The following FRMD4A variants were observed in gnomAD, a reference collection of about 807,000 sequenced individuals.
The protein encoded by FRMD4A is FERM domain-containing protein 4A.
A neutral mutation model predicts 129.1 loss-of-function variants in FRMD4A; 29 were observed. That is an observed-to-expected ratio of 0.22 (90% CI 0.17 to 0.31). FRMD4A has a LOEUF of 0.31. Ranked by LOEUF, FRMD4A falls within the 10% of genes least tolerant of loss-of-function variation. FRMD4A has a pLI of 1.00. For missense variants in FRMD4A, 1,272 were observed against 1,375.8 expected, an observed-to-expected ratio of 0.92 and a Z score of 1.19; for synonymous variants, 634 against 571.6, an observed-to-expected ratio of 1.11 and a Z score of -1.56.
At chr10:14,050,864 G>T (rs1357940730) in intron 2 of FRMD4A, among the ~76,000 whole-genome samples, 1 of 152,160 alleles carries the variant, frequency 6.6e-6, no homozygotes, top group Non-Finnish European at 1.5e-5. Flanking sequence ...CTTCCATTTG[G>T]CTGCTTCTTT....
At chr10:14,018,846 G>A (rs1185288960) in intron 2 of FRMD4A, among the ~76,000 whole-genome samples, 1 of 152,162 alleles carries the variant, frequency 6.6e-6, no homozygotes, top group Non-Finnish European at 1.5e-5. Flanking sequence ...GTAGCTCGGG[G>A]CATGCAGAGC....
At chr10:13,965,578 G>A (rs10906553) in intron 2 of FRMD4A, among the ~76,000 whole-genome samples, 74,592 of 152,000 alleles carry the variant, frequency 0.49, 20,059 homozygotes, top group Non-Finnish European at 0.62. Flanking sequence ...TGTTTAGAAG[G>A]CACATATCTG....
At chr10:13,928,367 G>A (rs1265813490) in intron 2 of FRMD4A, among the ~76,000 whole-genome samples, 1 of 150,962 alleles carries the variant, frequency 6.6e-6, no homozygotes, top group Non-Finnish European at 1.5e-5. Context: ...AACAAACTCT[G>A]AGCAAACCAA....
intron 2 of FRMD4A, among the ~76,000 whole-genome samples, chr10:14,270,284 C>T (rs1433312143): frequency 2.0e-5 from 3 of 152,228 alleles, no homozygotes; most frequent in African/African-American, 4.8e-5. Context: ...AATTCCTTCT[C>T]GTCTCTCTCC....
chr10:13,777,243 T>A (rs1299394285), intron 6 of FRMD4A, among the ~76,000 whole-genome samples: 1 of 152,230 alleles, frequency 6.6e-6, no homozygotes, highest in Non-Finnish European at 1.5e-5. Context: ...TGTCTCTGAG[T>A]CACTTAGCCT....
chr10:14,055,449 AC>A (rs1834468017), intron 2 of FRMD4A, among the ~76,000 whole-genome samples: 2 of 41,798 alleles, frequency 4.8e-5, no homozygotes, highest in Non-Finnish European at 8.9e-5. Context: ...ACACACACAC[AC>A]ACACACACAC....
rs192330648 is a variant in FRMD4A at position 14,323,115 on chromosome 10, T to G, written c.45+6943A>C. On this transcript the variant is annotated intron_variant, in intron 2 of 24. Coordinates refer to ENST00000357447, the MANE Select transcript of FRMD4A (RefSeq NM_018027.5). ...AGGAACATCTGTTTTTCTAAAAGCG[T>G]TAGCTGATTGTCCAGAGGTGGTCAC... Among the ~76,000 whole-genome samples, 432 of 152,328 alleles carry G rather than the reference T, an allele frequency of 2.8e-3. 3 individuals carry two copies. The highest frequency in any genetic ancestry group is 9.6e-3 in the African/African-American group (401 of 41,568).
At chr10:14,282,365 T>A (rs555667740) in intron 2 of FRMD4A, among the ~76,000 whole-genome samples, 2 of 152,306 alleles carry the variant, frequency 1.3e-5, no homozygotes, top group East Asian at 3.9e-4. Flanking sequence ...TCAACTCTCC[T>A]GCTTGCAGAC....
intron 2 of FRMD4A, among the ~76,000 whole-genome samples, chr10:13,927,583 A>G (rs1196721360): frequency 6.6e-6 from 1 of 152,212 alleles, no homozygotes; most frequent in Non-Finnish European, 1.5e-5. Context: ...AAATAGCCAA[A>G]AAATACCCTT....
At chr10:13,673,909 G>A (rs2083740799) in intron 16 of FRMD4A, among the ~76,000 whole-genome samples, 3 of 150,914 alleles carry the variant, frequency 2.0e-5, no homozygotes, top group Admixed American at 6.6e-5. Context: ...CTGAGTAGCT[G>A]GGACTACAGA....
rs1170963559 is a variant in FRMD4A at position 13,682,497 on chromosome 10, C to CTTT, written c.1118-7456_1118-7454dup. Among the ~76,000 whole-genome samples, 118 of 55,784 alleles carry CTTT rather than the reference C, an allele frequency of 2.1e-3. 2 individuals carry two copies. Among genetic ancestry groups the CTTT allele is most frequent in the Non-Finnish European group, 3.2e-3 (60 of 18,820 alleles). The allele number at this position is 55,784 out of a possible 152,430, so 36.6% of individuals were successfully genotyped here. The stretch of plus-strand genomic sequence containing the variant: ...GACATCATTCCCATTTTCTTTCTTT[C>CTTT]TTTTTTTTTTTTTTTTTTTTTGAGA... On this transcript the variant is annotated intron_variant, in intron 15 of 24. Coordinates refer to ENST00000357447, the MANE Select transcript of FRMD4A (RefSeq NM_018027.5).
intron 5 of FRMD4A, among the ~76,000 whole-genome samples, chr10:13,794,972 C>A (rs572328193): frequency 2.0e-5 from 3 of 152,186 alleles, no homozygotes; most frequent in Non-Finnish European, 4.4e-5. Context: ...CTTCCACCAC[C>A]AACGTCAAGG....
chr10:13,998,432 CA>C (rs2095630605), intron 2 of FRMD4A, among the ~76,000 whole-genome samples: 1 of 152,202 alleles, frequency 6.6e-6, no homozygotes, highest in African/African-American at 2.4e-5. Flanking sequence ...ATAATGTCCA[CA>C]TCTTATCTCC....
In FRMD4A at chr10:13,680,456, C is replaced by G. The variant is rs539499153; in HGVS notation, c.1118-5412G>C. On this transcript the variant is annotated intron_variant, in intron 15 of 24. Coordinates refer to ENST00000357447, the MANE Select transcript of FRMD4A (RefSeq NM_018027.5). The stretch of plus-strand genomic sequence containing the variant: ...AATTAAAAAAAAAAGGGCTGGGTGT[C>G]GTGGCTCATGCCTATAATCCCAGCA... Among the ~76,000 whole-genome samples the G allele has an allele frequency of 2.1e-4, 31 of 149,668 alleles. No homozygotes were observed. In the East Asian group the frequency reaches 3.2e-3, roughly 15 times the overall value.
intron 9 of FRMD4A, among the ~76,000 whole-genome samples, chr10:13,742,966 T>A (rs1033245050): frequency 6.6e-6 from 1 of 152,264 alleles, no homozygotes; most frequent in African/African-American, 2.4e-5. Context: ...TCTCTTCCAA[T>A]GACTACCTTA....
chr10:13,840,962 G>T (rs2093955177), intron 3 of FRMD4A, among the ~76,000 whole-genome samples: 1 of 152,004 alleles, frequency 6.6e-6, no homozygotes, highest in South Asian at 2.1e-4. Context: ...AAAAGAATTA[G>T]ACAGGCATGG....
In FRMD4A at chr10:13,651,792, C is replaced by T. The variant is rs1161817402; in HGVS notation, c.*2+111G>A. The T allele has an allele frequency of 7.1e-6, 5 of 708,748 alleles. No individual in the cohort carries two copies. In the East Asian group the frequency reaches 1.3e-4, roughly 18 times the overall value. 43.9% of individuals were successfully genotyped at this position (708,748 alleles called of 1,614,324 possible). ...GTTCCCCATGTATCTAGAAATAAGGCATAAATACAGCATTCAGATGTATCC... is the reference window on the plus strand; with the variant it reads ...GTTCCCCATGTATCTAGAAATAAGGTATAAATACAGCATTCAGATGTATCC... On this transcript the variant is annotated intron_variant, in intron 24 of 24. Transcript: ENST00000357447.
chr10:13,989,101 T>G (rs73589158), intron 2 of FRMD4A, among the ~76,000 whole-genome samples: 1 of 152,088 alleles, frequency 6.6e-6, no homozygotes, highest in African/African-American at 2.4e-5. Context: ...AGAAATATCT[T>G]AGAAGCAGAG....
In FRMD4A at chr10:13,874,740, C is replaced by T. The variant is rs181395332; in HGVS notation, c.46-15828G>A. Among the ~76,000 whole-genome samples the T allele has an allele frequency of 1.9e-3, 282 of 152,222 alleles. 1 individual carries two copies. The highest frequency in any genetic ancestry group is 2.8e-3 in the Non-Finnish European group (190 of 68,034). On this transcript the variant is annotated intron_variant, in intron 2 of 24. Transcript: ENST00000357447. ...TTTCTCTTCTAGGAATTTTCCCCAT[C>T]GAAACAAGAGAAATAGAATAAAGAA... is the stretch of plus-strand genomic sequence containing the variant.
Sources: allele counts gnomAD v4.1 joint callset (sites outside exome capture counted in the v4.1 genomes callset), GRCh38; gene constraint gnomAD v4.1.1; transcripts MANE v1.5; gene names NCBI Gene and HGNC (gene_info 2026-07-23, HGNC 2026-07-21).